The following PDIA6 variants were observed in gnomAD, a reference collection of about 807,000 sequenced individuals.
The protein encoded by PDIA6 is protein disulfide-isomerase A6.
In PDIA6, 29 loss-of-function variants were observed where a neutral mutation model predicts 58.4. That is an observed-to-expected ratio of 0.50 (90% CI 0.37 to 0.68). PDIA6 has a LOEUF of 0.68. Ranked by LOEUF, PDIA6 falls within the 30% of genes least tolerant of loss-of-function variation. The pLI is 0.00. For synonymous variants in PDIA6, 192 were observed against 202.6 expected (o/e 0.95, Z 0.44); for missense variants, 480 against 551.0 (o/e 0.87, Z 1.29).
Position 10,827,011 on chromosome 2 carries a change from C to T in PDIA6, c.-48+5191G>A, listed in dbSNP as rs1254818743. ...TGACAGTGCCCCCGGGTGAGCAGTTCATCAAACTTGGTGTTTAGTTTCTCC... is the reference window on the plus strand; with the variant it reads ...TGACAGTGCCCCCGGGTGAGCAGTTTATCAAACTTGGTGTTTAGTTTCTCC... On this transcript the variant is annotated intron_variant, in intron 1 of 13. Transcript: ENST00000381611. Among the ~76,000 whole-genome samples, 8 of 152,174 alleles carry T rather than the reference C, an allele frequency of 5.3e-5. No individual in the cohort carries two copies. The East Asian group carries it at 5.8e-4, about 11-fold the overall frequency.
intron 1 of PDIA6, among the ~76,000 whole-genome samples, chr2:10,810,866 AT>A: frequency 6.6e-6 from 1 of 152,268 alleles, no homozygotes; most frequent in African/African-American, 2.4e-5. Flanking sequence ...TCACATCACC[AT>A]TCCACTCAGT....
At chr2:10,809,075 C>T (rs1734447) in intron 1 of PDIA6, among the ~76,000 whole-genome samples, 74,200 of 151,974 alleles carry the variant, frequency 0.49, 19,660 homozygotes, top group Middle Eastern at 0.59. Flanking sequence ...TCCCAAAGTG[C>T]GAGGATTACA....
At chr2:10,829,330 A>T (rs1291190412) in intron 1 of PDIA6, among the ~76,000 whole-genome samples, 2 of 152,184 alleles carry the variant, frequency 1.3e-5, no homozygotes, top group East Asian at 3.8e-4. Context: ...CTTCAGCTTC[A>T]GGAGCACCCG....
upstream of PDIA6, among the ~76,000 whole-genome samples, chr2:10,834,726 CCTTCCCTCCTT>C (rs1667790023): frequency 4.0e-4 from 7 of 17,384 alleles, 1 homozygote; most frequent in Admixed American, 8.3e-4. Context: ...TCCCTCCCTT[CCTTCCCTCCTT>C]CCTTCCTTCC....
chr2:10,816,717 G>A (rs1381675678), upstream of PDIA6, among the ~76,000 whole-genome samples: 1 of 152,006 alleles, frequency 6.6e-6, no homozygotes, highest in Non-Finnish European at 1.5e-5. Context: ...TTTTTCCGCA[G>A]TTATTTTGCT....
At position 10,784,943 on chromosome 2, in the gene PDIA6, C is replaced by A; in HGVS notation, c.1245G>T (p.Arg415Ser). The part of the protein sequence containing the change: ...TIVEREPWDG[R>S]DGELPVEDDI... ...CCTCCCGGGCACTCACCTCGCCATCCCTGCCGTCCCAAGGCTCTCTCTCAA... is the reference window on the plus strand; with the variant it reads ...CCTCCCGGGCACTCACCTCGCCATCACTGCCGTCCCAAGGCTCTCTCTCAA... The change falls in exon 12 of 13, where the codon AGG becomes AGT. Residue 415 changes from arginine to serine, a missense_variant. Coordinates refer to ENST00000272227, the MANE Select transcript of PDIA6 (RefSeq NM_005742.4). 2 of 1,583,662 alleles carry A rather than the reference C, an allele frequency of 1.3e-6. No individual in the cohort carries two copies. Among genetic ancestry groups the A allele is most frequent in the Non-Finnish European group, 1.7e-6 (2 of 1,163,192 alleles).
At chr2:10,835,175 G>A (rs1193152314), upstream of PDIA6, among the ~76,000 whole-genome samples, 1 of 152,144 alleles carries the variant, frequency 6.6e-6, no homozygotes, top group East Asian at 1.9e-4. Flanking sequence ...CCGCTGCTCG[G>A]CCCCGGGCGG....
At chr2:10,829,898 A>C (rs1558466458) in intron 1 of PDIA6, among the ~76,000 whole-genome samples, 1 of 152,152 alleles carries the variant, frequency 6.6e-6, no homozygotes, top group Non-Finnish European at 1.5e-5. Flanking sequence ...CCGTGGCGGC[A>C]CTGTGAAGTC....
At chr2:10,810,155 T>G in intron 1 of PDIA6, 1 of 721,218 alleles carries the variant, frequency 1.4e-6, no homozygotes, top group South Asian at 1.5e-5. Context: ...TTGCATATAT[T>G]AAGTCATTTA....
chr2:10,815,544 C>G (rs1558458640), upstream of PDIA6: 1 of 152,052 alleles, frequency 6.6e-6, no homozygotes, highest in Non-Finnish European at 1.5e-5. Flanking sequence ...AGCTGTAACA[C>G]CCCCTTTTAC....
At chr2:10,832,095 A>G (rs1353049817) in intron 1 of PDIA6, 2 of 151,876 alleles carry the variant, frequency 1.3e-5, no homozygotes, top group African/African-American at 2.4e-5. Flanking sequence ...TCCAGGCACA[A>G]TTCGAGGTGG....
intron 1 of PDIA6, chr2:10,810,428 C>A: frequency 7.1e-7 from 1 of 1,417,288 alleles, no homozygotes; most frequent in South Asian, 1.6e-5. Flanking sequence ...AGGCTGCAGT[C>A]ACCAGAACAG....
rs547703857 is a variant in PDIA6 at position 10,831,320 on chromosome 2, C to T, written c.-48+882G>A. On this transcript the variant is annotated intron_variant, in intron 1 of 13. Coordinates refer to the PDIA6 transcript ENST00000381611. ...ACGGCACTCTCTTGACTCGGGGAAA[C>T]GCAGGCTGGCTTGTTTCTGAGGGTG... Among the ~76,000 whole-genome samples the T allele has an allele frequency of 3.3e-5, 5 of 152,328 alleles. No homozygotes were observed. In the South Asian group the frequency reaches 6.2e-4, roughly 19 times the overall value.
At position 10,787,348 on chromosome 2, in the gene PDIA6, C is replaced by A. The variant is rs762367691; in HGVS notation, c.1090G>T (p.Ala364Ser). Reference protein sequence around the residue: ...FGYPAMAAINARKMKFALLKG... With the variant: ...FGYPAMAAINSRKMKFALLKG... ...AGCAGAGCAAATTTCATCTTGCGTG[C>A]ATTGATGGCGGCCATGGCGGGGTAC... Residue 364 changes from alanine (A) to serine (S), a missense_variant, in exon 11 of 13, where the codon GCA becomes TCA. Ala to Ser is a moderately conservative substitution (Grantham distance 99). Transcript: ENST00000272227. 3 of 1,614,088 alleles carry A rather than the reference C, an allele frequency of 1.9e-6. No homozygotes were observed. The African/African-American group carries it at 4.0e-5, about 22-fold the overall frequency.
chr2:10,810,358 C>T (rs1215547273), intron 1 of PDIA6: 13 of 1,512,626 alleles, frequency 8.6e-6, no homozygotes, highest in Admixed American at 2.1e-5. Flanking sequence ...ACTTTCACTT[C>T]TCTTTGCCAA....
intron 1 of PDIA6, among the ~76,000 whole-genome samples, chr2:10,827,641 T>C (rs1667587188): frequency 1.3e-5 from 2 of 151,948 alleles, no homozygotes; most frequent in Non-Finnish European, 2.9e-5. Context: ...CTGGCCAACA[T>C]GGTGAAACCT....
chr2:10,832,455 A>G (rs1667735521), exon 1 of PDIA6: 2 of 985,318 alleles, frequency 2.0e-6, no homozygotes, highest in African/African-American at 1.7e-5. Flanking sequence ...CGAGGCCAGG[A>G]GACCTAACCT....
Position 10,802,648 on chromosome 2 carries a change from T to C in PDIA6, c.20-8A>G, listed in dbSNP as rs1318547438. 2.8e-6 allele frequency: 4 copies of C among 1,427,664 alleles called. No individual in the cohort carries two copies. The highest frequency in any genetic ancestry group is 3.7e-6 in the Non-Finnish European group (4 of 1,088,176). 88.4% of individuals were successfully genotyped at this position (1,427,664 alleles called of 1,614,324 possible). A position where few individuals can be genotyped will look rare whatever the true frequency, so the allele number is the denominator to read the frequency against. On this transcript the variant is annotated splice_polypyrimidine_tract_variant and splice_region_variant and intron_variant, in intron 1 of 12. Transcript: ENST00000272227. The stretch of plus-strand genomic sequence containing the variant: ...AGGTACAGCTCACCAGACCTGAAGA[T>C]AAAAACAAAAGTGCACCATTAACAG...
intron 1 of PDIA6, among the ~76,000 whole-genome samples, chr2:10,823,770 C>T (rs917586617): frequency 3.9e-5 from 6 of 152,046 alleles, no homozygotes; most frequent in African/African-American, 1.4e-4. Context: ...ACTCACACCT[C>T]CAGTCATAGG....
Sources: allele counts gnomAD v4.1 joint callset (sites outside exome capture counted in the v4.1 genomes callset), GRCh38; gene constraint gnomAD v4.1.1; transcripts MANE v1.5; gene names NCBI Gene and HGNC (gene_info 2026-07-23, HGNC 2026-07-21).